The following DNER variants were observed in gnomAD, a reference collection of about 807,000 sequenced individuals.
DNER encodes the protein delta and Notch-like epidermal growth factor-related receptor.
DNER carries 33 observed loss-of-function variants against 78.2 expected under a neutral mutation model. The observed-to-expected ratio is 0.42, with a 90% confidence interval of 0.32 to 0.56. DNER has a LOEUF of 0.56. DNER is among the 20% of genes least tolerant of loss of function. DNER has a pLI of 0.11. For missense variants in DNER, 918 were observed against 975.3 expected (o/e 0.94, Z 0.78); for synonymous variants, 417 against 384.8 (o/e 1.08, Z -0.98).
intron 1 of DNER, among the ~76,000 whole-genome samples, chr2:229,635,624 A>G (rs1335973782): frequency 6.6e-6 from 1 of 152,150 alleles, no homozygotes; most frequent in Non-Finnish European, 1.5e-5. Flanking sequence ...ATTTTTTGTG[A>G]GCAGCCTGCA....
At chr2:229,625,712 G>A (rs1698327433) in intron 1 of DNER, among the ~76,000 whole-genome samples, 1 of 152,170 alleles carries the variant, frequency 6.6e-6, no homozygotes, top group Non-Finnish European at 1.5e-5. Context: ...CATAGGGGTA[G>A]GGCAGGAAAG....
intron 7 of DNER, among the ~76,000 whole-genome samples, chr2:229,460,637 A>T (rs1050720983): frequency 6.6e-6 from 1 of 152,098 alleles, no homozygotes; most frequent in African/African-American, 2.4e-5. Context: ...ATAGCCATCA[A>T]ATTTGAATAT....
At chr2:229,584,817 C>G (rs1043364885) in intron 4 of DNER, among the ~76,000 whole-genome samples, 1 of 150,886 alleles carries the variant, frequency 6.6e-6, no homozygotes, top group Non-Finnish European at 1.5e-5. Context: ...GCCTGTAGTC[C>G]CAGCTACTTG....
At chr2:229,488,261 G>A (rs1218635022) in intron 6 of DNER, among the ~76,000 whole-genome samples, 1 of 152,236 alleles carries the variant, frequency 6.6e-6, no homozygotes, top group Admixed American at 6.5e-5. Context: ...ACAAAGAAGT[G>A]CCCTTGATGG....
rs567377327 is a variant in DNER, at chr2:229,601,826, T to C, written c.277-9938A>G. 7.9e-5 allele frequency among the ~76,000 whole-genome samples: 12 copies of C among 152,276 alleles called. No individual in the cohort carries two copies. In the South Asian group the frequency reaches 2.3e-3, roughly 29 times the overall value. Reference sequence around the variant, plus strand: ...CTGATTAACACATAGTGATAAGTCATAGTGATGAATCTATAAGCCCTGCTC... The same window carrying C: ...CTGATTAACACATAGTGATAAGTCACAGTGATGAATCTATAAGCCCTGCTC... On this transcript the variant is annotated intron_variant, in intron 1 of 12. Coordinates refer to ENST00000341772, the MANE Select transcript of DNER (RefSeq NM_139072.4).
chr2:229,395,835 T>G (rs1574824193), intron 10 of DNER, among the ~76,000 whole-genome samples: 2 of 151,906 alleles, frequency 1.3e-5, no homozygotes, highest in South Asian at 4.2e-4. Context: ...GAGGCGGAGG[T>G]TGCAGTGAGC....
intron 8 of DNER, among the ~76,000 whole-genome samples, chr2:229,440,841 C>T (rs1369029249): frequency 1.3e-5 from 2 of 152,234 alleles, no homozygotes; most frequent in African/African-American, 4.8e-5. Context: ...GATCCCGATC[C>T]TCACATAAAC....
At chr2:229,635,707 T>G (rs1698519485) in intron 1 of DNER, among the ~76,000 whole-genome samples, 1 of 152,244 alleles carries the variant, frequency 6.6e-6, no homozygotes, top group African/African-American at 2.4e-5. Flanking sequence ...CTATTCACAA[T>G]GTCCATAGGA....
chr2:229,494,060 T>C (rs1695455699), intron 6 of DNER, among the ~76,000 whole-genome samples: 3 of 152,188 alleles, frequency 2.0e-5, no homozygotes, highest in Admixed American at 2.0e-4. Flanking sequence ...AATTGAATAG[T>C]ATGATATTAG....
chr2:229,652,445 GA>G (rs1396503825), intron 1 of DNER, among the ~76,000 whole-genome samples: 9 of 152,202 alleles, frequency 5.9e-5, no homozygotes, highest in African/African-American at 2.2e-4. Flanking sequence ...TCATAGAAAG[GA>G]CATGAACCAT....
intron 1 of DNER, among the ~76,000 whole-genome samples, chr2:229,704,393 A>T (rs1360247685): frequency 6.6e-6 from 1 of 152,226 alleles, no homozygotes; most frequent in Non-Finnish European, 1.5e-5. Flanking sequence ...CCACTTAAAG[A>T]CCTGTATGTG....
At chr2:229,548,635 C>G (rs1464096104) in intron 4 of DNER, among the ~76,000 whole-genome samples, 1 of 152,068 alleles carries the variant, frequency 6.6e-6, no homozygotes, top group Non-Finnish European at 1.5e-5. Flanking sequence ...GGAGAAATAC[C>G]TAATGTAGGT....
At chr2:229,497,103 T>A (rs1396474301) in intron 6 of DNER, among the ~76,000 whole-genome samples, 2 of 152,204 alleles carry the variant, frequency 1.3e-5, no homozygotes, top group Non-Finnish European at 2.9e-5. Context: ...TCAATAATAT[T>A]TTCATATTAC....
At chr2:229,512,150 A>G (rs575698276) in intron 6 of DNER, among the ~76,000 whole-genome samples, 3 of 152,330 alleles carry the variant, frequency 2.0e-5, no homozygotes, top group South Asian at 4.1e-4. Flanking sequence ...TGGGAGGTGG[A>G]GGCAGGTGGA....
In DNER at chr2:229,464,230, G is replaced by A. The variant is rs1574855063; in HGVS notation, c.1261+12910C>T. Among the ~76,000 whole-genome samples, 4 of 152,296 alleles carry A rather than the reference G, an allele frequency of 2.6e-5. No individual in the cohort carries two copies. The South Asian group carries it at 8.3e-4, about 32-fold the overall frequency. On this transcript the variant is annotated intron_variant, in intron 7 of 12. Coordinates refer to ENST00000341772, the MANE Select transcript of DNER (RefSeq NM_139072.4). ...AGCAGACAGTTATGCAAGATAAAGA[G>A]AAAGGGGAATATCTGGGAAAATCAA... is the stretch of plus-strand genomic sequence containing the variant.
At chr2:229,499,544 T>C (rs996999217) in intron 6 of DNER, among the ~76,000 whole-genome samples, 6 of 150,738 alleles carry the variant, frequency 4.0e-5, no homozygotes, top group South Asian at 2.1e-4. Flanking sequence ...AAGAATGAAA[T>C]TGGACTCTGA....
chr2:229,628,420 G>A (rs749378346), intron 1 of DNER, among the ~76,000 whole-genome samples: 49 of 152,254 alleles, frequency 3.2e-4, no homozygotes, highest in Non-Finnish European at 5.3e-4. Context: ...AAGTTTTGGG[G>A]TAATTTGTTA....
At chr2:229,479,514 A>G (rs909361029) in intron 6 of DNER, among the ~76,000 whole-genome samples, 31 of 152,084 alleles carry the variant, frequency 2.0e-4, no homozygotes, top group Non-Finnish European at 7.4e-5. Flanking sequence ...GGAGTTCAAG[A>G]CCAGCCTGAC....
In DNER at chr2:229,621,798, T is replaced by C. The variant is rs1698255306; in HGVS notation, c.277-29910A>G. ...TCTCAGAATCTATTGAAATTGCATA[T>C]AAAAGGGCCGGGCGCAGTGGCTCAC... On this transcript the variant is annotated intron_variant, in intron 1 of 12. Coordinates refer to ENST00000341772, the MANE Select transcript of DNER (RefSeq NM_139072.4). 1.3e-5 allele frequency among the ~76,000 whole-genome samples: 2 copies of C among 152,056 alleles called. 1 individual carries two copies. Among genetic ancestry groups the C allele is most frequent in the South Asian group, 4.1e-4 (2 of 4,826 alleles).
Sources: gnomAD v4.1 joint callset for allele counts (sites outside exome capture counted in the v4.1 genomes callset) on GRCh38, gnomAD v4.1.1 for gene constraint, MANE v1.5 for transcripts, NCBI Gene and HGNC (gene_info 2026-07-23, HGNC 2026-07-21) for gene names.